Variants in C12orf54 observed in about 807,000 individuals in gnomAD.
C12orf54 encodes the protein chromosome 12 open reading frame 54.
In C12orf54, 24 loss-of-function variants were observed where a neutral mutation model predicts 26.4. That is an observed-to-expected ratio of 0.91 (90% CI 0.66 to 1.28). The LOEUF (loss-of-function observed/expected upper bound fraction) is 1.28. Among genes scored for constraint, C12orf54 ranks in the 50% most tolerant of loss-of-function variants. The pLI, the probability that C12orf54 is intolerant of heterozygous loss-of-function variation, is 0.00. For synonymous variants in C12orf54, 54 were observed against 47.0 expected, an observed-to-expected ratio of 1.15 and a Z score of -0.61; for missense variants, 154 against 150.9, an observed-to-expected ratio of 1.02 and a Z score of -0.11.
At chr12:48,487,828 G>A (rs1215713415) in intron 4 of C12orf54, 1 of 483,948 alleles carries the variant, frequency 2.1e-6, no homozygotes, top group African/African-American at 1.9e-5. Context: ...TCTCCCAAGG[G>A]AGACAACCCA....
chr12:48,455,954 G>A, the C12orf54 span, among the ~76,000 whole-genome samples: 11 of 152,110 alleles, frequency 7.2e-5, no homozygotes, highest in East Asian at 1.9e-4. Context: ...AAAAAATAAC[G>A]TGATTGAATC....
the C12orf54 span, among the ~76,000 whole-genome samples, chr12:48,475,098 C>A: frequency 6.6e-6 from 1 of 152,198 alleles, no homozygotes; most frequent in Non-Finnish European, 1.5e-5. Flanking sequence ...CCAATATCCG[C>A]TGTTCTGCAG....
chr12:48,425,910 A>AT, the C12orf54 span, among the ~76,000 whole-genome samples: 3 of 141,964 alleles, frequency 2.1e-5, no homozygotes, highest in African/African-American at 7.7e-5. Flanking sequence ...TCTTTTGCTC[A>AT]TTTTTTAATG....
At chr12:48,495,433 T>A (rs1937891411) in intron 8 of C12orf54, 1 of 153,204 alleles carries the variant, frequency 6.5e-6, no homozygotes. Flanking sequence ...ACACAGTCTA[T>A]CCTTTATAGA....
the C12orf54 span, among the ~76,000 whole-genome samples, chr12:48,468,902 T>C: frequency 6.6e-6 from 1 of 152,120 alleles, no homozygotes; most frequent in African/African-American, 2.4e-5. Context: ...GGGGGTGACA[T>C]CACATGTCGG....
At chr12:48,431,832 G>T in the C12orf54 span, among the ~76,000 whole-genome samples, 1 of 152,188 alleles carries the variant, frequency 6.6e-6, no homozygotes, top group Non-Finnish European at 1.5e-5. Context: ...ATTGGAGAGT[G>T]ACTACCCATA....
chr12:48,496,044 T>C (rs994706572), intron 8 of C12orf54, 137 bp from the exon 9 acceptor site: 1 of 152,200 alleles, frequency 6.6e-6, no homozygotes, highest in African/African-American at 2.4e-5. Context: ...GTTGGATATC[T>C]TGGGATGGGG....
chr12:48,486,291 A>G (rs1954263069), intron 3 of C12orf54, 83 bp downstream of exon 3: 2 of 1,395,530 alleles, frequency 1.4e-6, no homozygotes, highest in Non-Finnish European at 2.0e-6. Context: ...TGTAGACAGG[A>G]GGCCAAAAAA....
the C12orf54 span, among the ~76,000 whole-genome samples, chr12:48,414,508 G>GC: frequency 1.3e-5 from 2 of 152,238 alleles, no homozygotes. Flanking sequence ...CTGCTAAGAG[G>GC]CTTGGGCTAT....
At chr12:48,490,975 CT>C in intron 6 of C12orf54, 139 bp downstream of exon 6, 1 of 998,964 alleles carries the variant, frequency 1.0e-6, no homozygotes, top group Non-Finnish European at 1.5e-6. Flanking sequence ...AAGTCTCACC[CT>C]AGGATCTTCC....
the C12orf54 span, among the ~76,000 whole-genome samples, chr12:48,473,995 T>C: frequency 7.2e-5 from 11 of 152,202 alleles, no homozygotes; most frequent in Admixed American, 2.0e-4. Context: ...TGGGCTTCCT[T>C]CTACAAAGAG....
the C12orf54 span, among the ~76,000 whole-genome samples, chr12:48,475,984 G>C: frequency 6.6e-6 from 1 of 151,542 alleles, no homozygotes; most frequent in East Asian, 1.9e-4. Flanking sequence ...AAATGTTAAG[G>C]GCAGCCAGAG....
the C12orf54 span, chr12:48,473,237 C>T: frequency 7.9e-6 from 9 of 1,142,430 alleles, no homozygotes; most frequent in East Asian, 7.4e-5. Context: ...ATGAGGAGGA[C>T]GAGGATGAGG....
chr12:48,474,603 T>C, the C12orf54 span, among the ~76,000 whole-genome samples: 1 of 152,210 alleles, frequency 6.6e-6, no homozygotes, highest in Non-Finnish European at 1.5e-5. Context: ...ATCCCACACA[T>C]GGCTCGGAGG....
the C12orf54 span, among the ~76,000 whole-genome samples, chr12:48,463,453 G>C: frequency 6.6e-6 from 1 of 151,754 alleles, no homozygotes; most frequent in East Asian, 1.9e-4. Context: ...ACTTTAAAAA[G>C]CCCAGGACCA....
chr12:48,440,045 C>T, the C12orf54 span, among the ~76,000 whole-genome samples: 34 of 151,894 alleles, frequency 2.2e-4, no homozygotes, highest in African/African-American at 7.0e-4. Flanking sequence ...GCCAACATGG[C>T]GAAACCCTGT....
the C12orf54 span, among the ~76,000 whole-genome samples, chr12:48,437,801 G>A: frequency 2.0e-5 from 3 of 152,090 alleles, no homozygotes; most frequent in Non-Finnish European, 4.4e-5. Context: ...ATATCATACT[G>A]AATGGACAAA....
At chr12:48,486,810 C>T in intron 4 of C12orf54, 84 bp downstream of exon 4, 2 of 1,385,774 alleles carry the variant, frequency 1.4e-6, no homozygotes, top group Non-Finnish European at 2.0e-6. Flanking sequence ...ATTTCTTTCT[C>T]TTTCCTTGAG....
At chr12:48,440,867 A>C in the C12orf54 span, among the ~76,000 whole-genome samples, 1 of 152,208 alleles carries the variant, frequency 6.6e-6, no homozygotes, top group African/African-American at 2.4e-5. Context: ...ATTCTGACTG[A>C]CTTAAGCAAA....
Sources: allele counts gnomAD v4.1 joint callset (sites outside exome capture counted in the v4.1 genomes callset), GRCh38; gene constraint gnomAD v4.1.1; transcripts MANE v1.5; gene names NCBI Gene and HGNC (gene_info 2026-07-23, HGNC 2026-07-21).